HGS: variants seen among roughly 807,000 people sequenced by gnomAD.
HGS encodes the protein human growth factor-regulated tyrosine kinase substrate.
Under a neutral mutation model 109.7 loss-of-function variants are expected in HGS, and 63 were observed. The observed-to-expected ratio is 0.57, with a 90% CI of 0.47 to 0.71. HGS has a LOEUF of 0.71. Among genes scored for constraint, HGS ranks in the 30% least tolerant of loss-of-function variants. The pLI is 0.00. For missense variants in HGS, 995 were observed against 1,068.3 expected (o/e 0.93, Z 0.96); for synonymous variants, 546 against 437.3 (o/e 1.25, Z -3.10).
intron 1 of HGS, chr17:81,685,016 G>GC (rs1217551363): frequency 2.3e-5 from 23 of 985,180 alleles, no homozygotes; most frequent in South Asian, 9.4e-5. Context: ...AGCTGGAGCT[G>GC]CCCCCCCAGA....
In HGS at chr17:81,691,820, T is replaced by C. The variant is rs947148512; in HGVS notation, c.662+249T>C. On this transcript the variant is annotated intron_variant, in intron 8 of 21. Coordinates refer to ENST00000329138, the MANE Select transcript of HGS (RefSeq NM_004712.5). The surrounding 1 kb of genome is among the most constrained non-coding windows in gnomAD (Gnocchi z 5.3). ...GAGGCTGCCCCGACAAACCTGTTGC[T>C]TGGGTTTGGGTTTGGGTTTGTTTGC... is the stretch of plus-strand genomic sequence containing the variant. The C allele has an allele frequency of 4.6e-5, 19 of 413,174 alleles. No individual in the cohort carries two copies. Among genetic ancestry groups the C allele is most frequent in the Non-Finnish European group, 7.1e-5 (16 of 225,220 alleles). 25.6% of individuals were successfully genotyped at this position (413,174 alleles called of 1,614,324 possible).
At chr17:81,696,027 C>T (rs1302014707) in intron 15 of HGS, 28 bp downstream of exon 15, 1 of 1,522,400 alleles carries the variant, frequency 6.6e-7, no homozygotes, top group Non-Finnish European at 8.8e-7. Context: ...GGGGCCTCGG[C>T]TCAGGGGCAG....
At chr17:81,697,123 C>G in intron 18 of HGS, 125 bp downstream of exon 18, 1 of 1,043,190 alleles carries the variant, frequency 9.6e-7, no homozygotes, top group Non-Finnish European at 1.3e-6. Flanking sequence ...AATGTTGTCC[C>G]TGCTTTTTCC....
In HGS at chr17:81,687,116, C is replaced by T. The variant is rs376563967; in HGVS notation, c.291+21C>T. 6.0e-5 allele frequency: 94 copies of T among 1,571,770 alleles called. No individual in the cohort carries two copies. Among genetic ancestry groups the T allele is most frequent in the African/African-American group, 9.4e-5 (7 of 74,296 alleles). On this transcript the variant is annotated intron_variant, in intron 4 of 21. Coordinates refer to ENST00000329138, the MANE Select transcript of HGS (RefSeq NM_004712.5). Reference sequence around the variant, plus strand: ...TGAAGGTGGGTGAGACGGGGGCATGCGGGTGGCCACCCAGGCTGGCACCTT... The same window carrying T: ...TGAAGGTGGGTGAGACGGGGGCATGTGGGTGGCCACCCAGGCTGGCACCTT...
At chr17:81,697,081 G>A in intron 18 of HGS, 83 bp downstream of exon 18, 1 of 1,407,118 alleles carries the variant, frequency 7.1e-7, no homozygotes, top group Non-Finnish European at 9.5e-7. Context: ...AGTAAGAATG[G>A]TGCGAAGGGT....
intron 18 of HGS, among the ~76,000 whole-genome samples, chr17:81,698,704 T>C (rs1166276341): frequency 1.3e-5 from 2 of 152,182 alleles, no homozygotes; most frequent in African/African-American, 2.4e-5. Context: ...AAAGTGTGTA[T>C]GTGAATACAA....
rs374290380 is a variant in HGS, at chr17:81,690,388, A to T, written c.468+154A>T. 5.3e-5 allele frequency: 43 copies of T among 811,660 alleles called. No homozygotes were observed. In the African/African-American group the frequency reaches 7.0e-4, roughly 13 times the overall value. 50.3% of individuals were successfully genotyped at this position (811,660 alleles called of 1,614,324 possible). A position where few individuals can be genotyped will look rare whatever the true frequency, so the allele number is the denominator to read the frequency against. On this transcript the variant is annotated intron_variant, in intron 6 of 21. Coordinates refer to ENST00000329138, the MANE Select transcript of HGS (RefSeq NM_004712.5). Reference sequence around the variant, plus strand: ...TGTGTGTCCTGGGCGGAGGCGTAGCAGCTGTCTCTGCAGGGCGAGGTGGAG... The same window carrying T: ...TGTGTGTCCTGGGCGGAGGCGTAGCTGCTGTCTCTGCAGGGCGAGGTGGAG...
intron 1 of HGS, chr17:81,684,756 G>C (rs574161291): frequency 1.1e-5 from 2 of 189,302 alleles, no homozygotes; most frequent in African/African-American, 4.7e-5. Context: ...CTAATGTTTG[G>C]GGGTAGGAGC....
intron 18 of HGS, 25 bp downstream of exon 18, chr17:81,697,023 C>G: frequency 6.5e-7 from 1 of 1,529,118 alleles, no homozygotes; most frequent in Non-Finnish European, 8.8e-7. Context: ...GGGCAGAGAC[C>G]ATGCCTTTTA....
intron 18 of HGS, 39 bp downstream of exon 18, chr17:81,697,037 C>T (rs997440833): frequency 1.3e-6 from 2 of 1,502,540 alleles, no homozygotes; most frequent in Non-Finnish European, 1.8e-6. Flanking sequence ...CCTTTTATCC[C>T]TCGTCTTTAT....
chr17:81,689,593 G>A (rs2144489421), intron 5 of HGS, among the ~76,000 whole-genome samples: 1 of 152,326 alleles, frequency 6.6e-6, no homozygotes, highest in Admixed American at 6.5e-5. Flanking sequence ...GAGGCTGAGA[G>A]CGTGGGGAAT....
At position 81,696,846 on chromosome 17, in the gene HGS, G is replaced by T. The variant is rs773635541; in HGVS notation, c.1730G>T (p.Gly577Val). The T allele has an allele frequency of 1.1e-5, 18 of 1,610,878 alleles. No homozygotes were observed. The Admixed American group carries it at 3.0e-4, about 27-fold the overall frequency. Residue 577 changes from glycine to valine, a missense_variant, in exon 18 of 22, where the codon GGA (glycine) becomes GTA (valine). Gly to Val is a moderately radical substitution (Grantham distance 109). Transcript: ENST00000329138. Reference sequence around the variant, plus strand: ...CAGCTCCAGGCCATGCCCGCAGCCGGAGGTGTGCTCTACCAGCCCTCGGGA... The same window carrying T: ...CAGCTCCAGGCCATGCCCGCAGCCGTAGGTGTGCTCTACCAGCCCTCGGGA... ...YAQLQAMPAA[G>V]GVLYQPSGPA...
chr17:81,694,820 G>A lies in HGS; in HGVS notation c.942G>A (p.Ser314=), dbSNP rs371895663. Residue 314 remains serine, a synonymous_variant, in exon 12 of 22, where the codon TCG becomes TCA. Coordinates refer to ENST00000329138, the MANE Select transcript of HGS (RefSeq NM_004712.5). ...ASSLYSSPVN[S]SAPLAEDIDP... ...AGATGCCCTTTTCTCCCCAGAACTC[G>A]TCGGCGCCTCTGGCTGAGGACATCG... The A allele has an allele frequency of 2.8e-5, 46 of 1,614,224 alleles. No individual in the cohort carries two copies. Among genetic ancestry groups the A allele is most frequent in the South Asian group, 1.3e-4 (12 of 91,090 alleles).
In HGS at chr17:81,691,671, G is replaced by C. The variant is rs2037065318; in HGVS notation, c.662+100G>C. 6.8e-7 allele frequency: 1 copy of C among 1,476,444 alleles called. No individual in the cohort carries two copies. Among genetic ancestry groups the C allele is most frequent in the African/African-American group, 1.4e-5 (1 of 72,482 alleles). The allele number at this position is 1,476,444 out of a possible 1,614,324, so 91.5% of individuals were successfully genotyped here. A position where few individuals can be genotyped will look rare whatever the true frequency, so the allele number is the denominator to read the frequency against. The stretch of plus-strand genomic sequence containing the variant: ...TGGTGCCTGAGGCCTGCAGACCCCA[G>C]AGGACCCTCACAGCACAGCAGCTGG... On this transcript the variant is annotated intron_variant, in intron 8 of 21. Transcript: ENST00000329138. The surrounding 1 kb of genome is among the most constrained non-coding windows in gnomAD (Gnocchi z 5.3).
chr17:81,691,122 C>T lies in HGS; in HGVS notation c.538-325C>T, dbSNP rs1437144492. On this transcript the variant is annotated intron_variant, in intron 7 of 21. Transcript: ENST00000329138. The surrounding 1 kb of genome is among the most constrained non-coding windows in gnomAD (Gnocchi z 5.3). ...CCCTCCAGGCTGGCAACCGGCAGTG[C>T]TTGGGGTTTGGGGTGTCAGCAGCTT... 1 of 428,284 alleles carries T rather than the reference C, an allele frequency of 2.3e-6. No homozygotes were observed. Among genetic ancestry groups the T allele is most frequent in the Non-Finnish European group, 4.3e-6 (1 of 234,960 alleles). The allele number at this position is 428,284 out of a possible 1,614,324, so 26.5% of individuals were successfully genotyped here.
chr17:81,688,696 G>C lies in HGS; in HGVS notation c.292-8G>C, dbSNP rs758987034. On this transcript the variant is annotated splice_region_variant and splice_polypyrimidine_tract_variant and intron_variant, in intron 4 of 21. Transcript: ENST00000329138. ...CTGCGACCCTCACCCCCTTCTCCCT[G>C]CCTGCAGAGACAAGTGGAGGTAAAC... 1.2e-6 allele frequency: 2 copies of C among 1,613,460 alleles called. No individual in the cohort carries two copies. Among genetic ancestry groups the C allele is most frequent in the Admixed American group, 1.7e-5 (1 of 59,966 alleles).
At position 81,696,541 on chromosome 17, in the gene HGS, G is replaced by A; in HGVS notation, c.1566+12G>A. Reference sequence around the variant, plus strand: ...GGCAGAAGAAGCAGGTGCAGTGGCTGCCCAGCCACAGGCCGGGGCCGGCTG... The same window carrying A: ...GGCAGAAGAAGCAGGTGCAGTGGCTACCCAGCCACAGGCCGGGGCCGGCTG... On this transcript the variant is annotated intron_variant, in intron 16 of 21. Transcript: ENST00000329138. The A allele has an allele frequency of 6.5e-7, 1 of 1,534,080 alleles. No homozygotes were observed. Among genetic ancestry groups the A allele is most frequent in the Non-Finnish European group, 8.8e-7 (1 of 1,137,822 alleles).
intron 14 of HGS, 152 bp downstream of exon 14, chr17:81,695,375 C>T: frequency 2.6e-6 from 2 of 780,298 alleles, no homozygotes; most frequent in African/African-American, 1.7e-5. Context: ...CTGCCCTGCC[C>T]TTTGTGGCCT....
At chr17:81,690,295 G>C in intron 6 of HGS, 61 bp downstream of exon 6, 1 of 1,547,766 alleles carries the variant, frequency 6.5e-7, no homozygotes, top group Non-Finnish European at 8.9e-7. Flanking sequence ...GTGAAGGGGA[G>C]TGCTGGGAGC....
Sources: gnomAD v4.1 joint callset for allele counts (sites outside exome capture counted in the v4.1 genomes callset) on GRCh38, gnomAD v4.1.1 for gene constraint, Gnocchi (gnomAD v3.1) non-coding constraint, MANE v1.5 for transcripts, NCBI Gene and HGNC (gene_info 2026-07-23, HGNC 2026-07-21) for gene names.